ADAM17: variants seen among roughly 807,000 people sequenced by gnomAD.
ADAM17 encodes the protein ADAM metallopeptidase domain 17, also known as disintegrin and metalloproteinase domain-containing protein 17.
In ADAM17, 39 loss-of-function variants were observed where a neutral mutation model predicts 96.7. The observed-to-expected ratio is 0.40, with a 90% confidence interval of 0.31 to 0.53. The LOEUF (loss-of-function observed/expected upper bound fraction) is 0.53. Among genes scored for constraint, ADAM17 ranks in the 20% least tolerant of loss-of-function variants. ADAM17 has a pLI of 0.44. For synonymous variants in ADAM17, 344 were observed against 359.2 expected, an observed-to-expected ratio of 0.96 and a Z score of 0.48; for missense variants, 777 against 1,013.2, an observed-to-expected ratio of 0.77 and a Z score of 3.17.
intron 6 of ADAM17, among the ~76,000 whole-genome samples, chr2:9,525,717 T>A (rs1664498891): frequency 6.6e-6 from 1 of 152,162 alleles, no homozygotes; most frequent in African/African-American, 2.4e-5. Context: ...CGCCTTCCTC[T>A]CTGAAATATA....
chr2:9,524,875 G>C (rs568989949), intron 6 of ADAM17, among the ~76,000 whole-genome samples: 2 of 152,238 alleles, frequency 1.3e-5, no homozygotes, highest in East Asian at 3.9e-4. Context: ...TTCTCAAAGA[G>C]AATATTCTAC....
Position 9,536,735 on chromosome 2 carries a change from A to C in ADAM17, c.324T>G (p.Thr108=), listed in dbSNP as rs1019783756. 1.2e-6 allele frequency: 2 copies of C among 1,614,118 alleles called. No individual in the cohort carries two copies. The highest frequency in any genetic ancestry group is 4.5e-5 in the East Asian group (2 of 44,866). ...CAGTGAAGAAGTCCTGCCATTTTAC[A>C]GTGTACTCGCTTTCGTTTTTACCAT... ...VVDGKNESEY[T]VKWQDFFTGH... is the part of the protein sequence containing the mutation. The change falls in exon 3 of 19, where the codon ACT becomes ACG. Residue 108 remains threonine, a synonymous_variant. Coordinates refer to ENST00000310823, the MANE Select transcript of ADAM17 (RefSeq NM_003183.6).
chr2:9,521,689 G>A (rs1664317185), intron 7 of ADAM17: 1 of 153,106 alleles, frequency 6.5e-6, no homozygotes, highest in South Asian at 2.0e-4. Flanking sequence ...AGGAATAAAA[G>A]GCTAAGAATA....
intron 5 of ADAM17, 50 bp from the exon 6 acceptor site, chr2:9,526,294 A>G: frequency 1.9e-6 from 3 of 1,566,338 alleles, no homozygotes; most frequent in Non-Finnish European, 2.6e-6. Flanking sequence ...CAAAACAAGG[A>G]GTTTTATGGT....
chr2:9,547,754 G>C (rs1168379235), intron 1 of ADAM17, among the ~76,000 whole-genome samples: 3 of 152,020 alleles, frequency 2.0e-5, no homozygotes, highest in East Asian at 1.9e-4. Context: ...CTGTAAGTTG[G>C]AAATTTCATT....
At chr2:9,534,745 G>A (rs1048531688) in intron 4 of ADAM17, among the ~76,000 whole-genome samples, 1 of 152,130 alleles carries the variant, frequency 6.6e-6, no homozygotes, top group Non-Finnish European at 1.5e-5. Flanking sequence ...CTGTCAAAAT[G>A]TCAATAGTAG....
intron 17 of ADAM17, among the ~76,000 whole-genome samples, chr2:9,492,695 C>T (rs1662257851): frequency 6.6e-6 from 1 of 152,104 alleles, no homozygotes; most frequent in African/African-American, 2.4e-5. Context: ...AACACCAACA[C>T]ACAAAAATAG....
At position 9,521,221 on chromosome 2, in the gene ADAM17, A is replaced by G. The variant is rs201786766; in HGVS notation, c.939T>C (p.Asp313=). 1.9e-6 allele frequency: 3 copies of G among 1,607,288 alleles called. No individual in the cohort carries two copies. Among genetic ancestry groups the G allele is most frequent in the Non-Finnish European group, 2.6e-6 (3 of 1,174,024 alleles). The change falls in exon 8 of 19, where the codon GAT becomes GAC. Residue 313 remains aspartate, a synonymous_variant. Coordinates refer to ENST00000310823, the MANE Select transcript of ADAM17 (RefSeq NM_003183.6). The part of the protein sequence containing the change: ...SYPNEEKDAW[D]VKMLLEQFSF... ...GACCTACCTCTAGCAACATCTTCAC[A>G]TCCCAAGCATCCTTTTCTTCATTTG...
chr2:9,548,371 G>A (rs899249408), intron 1 of ADAM17, among the ~76,000 whole-genome samples: 2 of 152,004 alleles, frequency 1.3e-5, no homozygotes, highest in African/African-American at 4.8e-5. Context: ...CTGCAGTGTG[G>A]AGAATGGGCT....
chr2:9,522,286 T>A (rs926423068), intron 7 of ADAM17: 2 of 467,038 alleles, frequency 4.3e-6, no homozygotes, highest in Non-Finnish European at 7.7e-6. Context: ...ATACATACAC[T>A]ATACCTGCAT....
At chr2:9,510,427 AG>A (rs1663670836) in intron 10 of ADAM17, among the ~76,000 whole-genome samples, 1 of 152,192 alleles carries the variant, frequency 6.6e-6, no homozygotes, top group Non-Finnish European at 1.5e-5. Flanking sequence ...GCACTTTGGG[AG>A]GCTGAGGCAG....
rs1371766059 is a variant in ADAM17 at position 9,526,135 on chromosome 2, T to G, written c.729A>C (p.Glu243Asp). The G allele has an allele frequency of 6.2e-7, 1 of 1,612,382 alleles. No homozygotes were observed. Among genetic ancestry groups the G allele is most frequent in the Non-Finnish European group, 8.5e-7 (1 of 1,179,424 alleles). Reference protein sequence around the residue: ...HRFYRYMGRGEESTTTNYLIE... With the variant: ...HRFYRYMGRGDESTTTNYLIE... ...CTAAGTAATTTGTAGTTGTACTCTC[T>G]TCCCCTCTGCCCATGTATCTGTAGA... The change falls in exon 6 of 19, where the codon GAA becomes GAC. Residue 243 changes from glutamate (E) to aspartate (D), a missense_variant. Glu to Asp is a conservative substitution (Grantham distance 45, BLOSUM62 2). Around this residue, in one of 3 missense-constraint regions of ADAM17, gnomAD observed 446 missense variants for 664.7 expected, o/e 0.67. Transcript: ENST00000310823.
intron 13 of ADAM17, among the ~76,000 whole-genome samples, chr2:9,501,752 C>T (rs1284579548): frequency 6.6e-6 from 1 of 152,016 alleles, no homozygotes; most frequent in Non-Finnish European, 1.5e-5. Context: ...AGGATGTAGC[C>T]ATTAAAAACC....
chr2:9,491,768 G>C (rs1321848288), intron 17 of ADAM17, among the ~76,000 whole-genome samples: 2 of 152,196 alleles, frequency 1.3e-5, no homozygotes, highest in East Asian at 3.9e-4. Flanking sequence ...CCAGGACTAG[G>C]CTTCCTGTCT....
Position 9,488,843 on chromosome 2 carries a change from G to GTTAACTGCCCTCAAAATTT in ADAM17, c.*1315_*1333dup, listed in dbSNP as rs1379549582. On this transcript the variant is annotated 3_prime_UTR_variant, in exon 19 of 19. Coordinates refer to ENST00000310823, the MANE Select transcript of ADAM17 (RefSeq NM_003183.6). ...GGAGATATGATTAGTCACAGGTTTG[G>GTTAACTGCCCTCAAAATTT]TTAACTGCCCTCAAAATTTACAAGT... is the stretch of plus-strand genomic sequence containing the variant. The GTTAACTGCCCTCAAAATTT allele has an allele frequency of 2.0e-5, 3 of 152,212 alleles. No individual in the cohort carries two copies. Among genetic ancestry groups the GTTAACTGCCCTCAAAATTT allele is most frequent in the Non-Finnish European group, 2.9e-5 (2 of 68,036 alleles). 9.4% of individuals were successfully genotyped at this position (152,212 alleles called of 1,614,324 possible).
intron 4 of ADAM17, among the ~76,000 whole-genome samples, chr2:9,529,181 G>A (rs1009445876): frequency 2.6e-5 from 4 of 152,244 alleles, no homozygotes; most frequent in African/African-American, 7.2e-5. Context: ...TGGGCGTGGT[G>A]GCTCATGTCT....
chr2:9,551,874 T>G (rs1277620864), intron 1 of ADAM17, among the ~76,000 whole-genome samples: 1 of 152,226 alleles, frequency 6.6e-6, no homozygotes, highest in Non-Finnish European at 1.5e-5. Flanking sequence ...TGTGGTTGTC[T>G]GGCATCACCA....
intron 7 of ADAM17, chr2:9,522,581 CTATAT>C (rs752973346): frequency 1.7e-4 from 72 of 429,296 alleles, no homozygotes; most frequent in East Asian, 1.6e-3. Context: ...AAATTCTATA[CTATAT>C]AACTTATAAA....
At chr2:9,500,824 G>A (rs1662954704) in intron 13 of ADAM17, among the ~76,000 whole-genome samples, 1 of 152,160 alleles carries the variant, frequency 6.6e-6, no homozygotes, top group Admixed American at 6.5e-5. Flanking sequence ...AATTTTTAAA[G>A]CAACAATTGA....
Sources: gnomAD v4.1 joint callset for allele counts (sites outside exome capture counted in the v4.1 genomes callset) on GRCh38, gnomAD v4.1.1 for gene constraint, gnomAD v4.1.1 regional missense constraint, MANE v1.5 for transcripts, NCBI Gene and HGNC (gene_info 2026-07-23, HGNC 2026-07-21) for gene names.